The following BAHCC1 variants were observed in gnomAD, a reference collection of about 807,000 sequenced individuals.
The protein encoded by BAHCC1 is BAH domain and coiled-coil containing 1.
BAHCC1 carries 43 observed loss-of-function variants against 88.2 expected under a neutral mutation model. The observed-to-expected ratio is 0.49, with a 90% CI of 0.38 to 0.63. The LOEUF (loss-of-function observed/expected upper bound fraction) is 0.63, where lower values mean the gene tolerates loss of function less well. Among genes scored for constraint, BAHCC1 ranks in the 20% least tolerant of loss-of-function variants. The pLI is 0.00. For missense variants in BAHCC1, 3,023 were observed against 1,654.8 expected (o/e 1.83, Z -14.34); for synonymous variants, 1,510 against 745.5 (o/e 2.03, Z -16.71).
chr17:81,425,018 GAT>G (rs2064160125), intron 2 of BAHCC1, among the ~76,000 whole-genome samples: 2 of 149,328 alleles, frequency 1.3e-5, no homozygotes, highest in African/African-American at 4.9e-5. Flanking sequence ...TGTGGTTGGT[GAT>G]GATGTGGTTG....
At position 81,399,817 on chromosome 17, in the gene BAHCC1, C is replaced by T. The variant is rs1555645697; in HGVS notation, c.78C>T (p.Ala26=). 3.9e-5 allele frequency: 52 copies of T among 1,322,060 alleles called. No homozygotes were observed. The highest frequency in any genetic ancestry group is 4.4e-5 in the Non-Finnish European group (46 of 1,037,816). The allele number at this position is 1,322,060 out of a possible 1,614,324, so 81.9% of individuals were successfully genotyped here. Residue 26 remains alanine, a synonymous_variant, in exon 2 of 28, where the codon GCC becomes GCT. Transcript: ENST00000675386. This position sits in a 1 kb window ranked among gnomAD's most constrained non-coding sequence, Gnocchi z 4.5. ...GCCTGGGCCACCGCAGCGCCGCTGC[C>T]GCCGCGCGTCTCGCCCCGGCTGGGC... ...RGSLGHRSAA[A]AARLAPAGPA...
chr17:81,442,932 G>T lies in BAHCC1; in HGVS notation c.1583G>T (p.Gly528Val), dbSNP rs1177426897. 1.3e-6 allele frequency: 1 copy of T among 778,946 alleles called. No individual in the cohort carries two copies. Among genetic ancestry groups the T allele is most frequent in the Non-Finnish European group, 2.4e-6 (1 of 417,816 alleles). The allele number at this position is 778,946 out of a possible 1,614,324, so 48.3% of individuals were successfully genotyped here. The change falls in exon 5 of 28, where the codon GGC becomes GTC. Residue 528 changes from glycine (G) to valine (V), a missense_variant. Gly to Val is a moderately radical substitution (Grantham distance 109). Transcript: ENST00000675386. ...TGCTGCACTTTAGATAAGACTGTTG[G>T]CAAGGAAGCCCCGGCCGGCCCCCCA... ...QACCTLDKTV[G>V]KEAPAGPPGA...
At chr17:81,402,357 T>C (rs2063827822) in intron 2 of BAHCC1, 1 of 152,250 alleles carries the variant, frequency 6.6e-6, no homozygotes, top group Non-Finnish European at 1.5e-5. Flanking sequence ...AAAATTTAGC[T>C]GCATGTATTT....
At chr17:81,452,353 C>T (rs546028330) in intron 13 of BAHCC1, among the ~76,000 whole-genome samples, 4 of 151,766 alleles carry the variant, frequency 2.6e-5, no homozygotes, top group African/African-American at 9.7e-5. Context: ...TTGTCAGAGC[C>T]TGGTGTGGCA....
chr17:81,441,005 C>T (rs769956809), intron 4 of BAHCC1, among the ~76,000 whole-genome samples: 48 of 152,220 alleles, frequency 3.2e-4, no homozygotes, highest in Non-Finnish European at 5.4e-4. Context: ...TTTCCAAGGT[C>T]TTGGTGCCTG....
intron 11 of BAHCC1, among the ~76,000 whole-genome samples, chr17:81,450,290 C>G (rs1271539100): frequency 6.6e-6 from 1 of 152,082 alleles, no homozygotes; most frequent in Non-Finnish European, 1.5e-5. Context: ...GGGATCAGCC[C>G]ATGGGGACCC....
chr17:81,429,832 C>T (rs1292858498), intron 3 of BAHCC1, among the ~76,000 whole-genome samples: 1 of 152,160 alleles, frequency 6.6e-6, no homozygotes, highest in Non-Finnish European at 1.5e-5. Flanking sequence ...GTTGGGGTAG[C>T]CCCAGGAACC....
chr17:81,411,310 C>T lies in BAHCC1; in HGVS notation c.178+11393C>T, dbSNP rs115788927. ...CCCCAGACAGGCAGCAGGAGCTGGACGTGCCGTCAGCCCAGGCCCCTGAGA... is the reference window on the plus strand; with the variant it reads ...CCCCAGACAGGCAGCAGGAGCTGGATGTGCCGTCAGCCCAGGCCCCTGAGA... On this transcript the variant is annotated intron_variant, in intron 2 of 27. Coordinates refer to ENST00000675386, the MANE Select transcript of BAHCC1 (RefSeq NM_001377448.1). This position sits in a 1 kb window ranked among gnomAD's most constrained non-coding sequence, Gnocchi z 6.2. Among the ~76,000 whole-genome samples, 1,453 of 151,786 alleles carry T rather than the reference C, an allele frequency of 9.6e-3. 27 individuals are homozygous for T. The highest frequency in any genetic ancestry group is 0.034 in the African/African-American group (1,396 of 41,426).
At chr17:81,421,425 G>T (rs917159743) in intron 2 of BAHCC1, among the ~76,000 whole-genome samples, 5 of 152,240 alleles carry the variant, frequency 3.3e-5, no homozygotes, top group Non-Finnish European at 5.9e-5. Context: ...GGAGGCGGGG[G>T]TGACAGTAGA....
At position 81,419,504 on chromosome 17, in the gene BAHCC1, C is replaced by A. The variant is rs893382802; in HGVS notation, c.179-7296C>A. Among the ~76,000 whole-genome samples the A allele has an allele frequency of 2.6e-5, 4 of 152,344 alleles. No homozygotes were observed. The East Asian group carries it at 7.7e-4, about 29-fold the overall frequency. ...GGCTCGTGGGAAGTGTGCTTGGGAC[C>A]GCCCATCACTCCGTTCCCAGCCACT... On this transcript the variant is annotated intron_variant, in intron 2 of 27. Transcript: ENST00000675386.
At chr17:81,419,883 G>A (rs1677733165) in intron 2 of BAHCC1, among the ~76,000 whole-genome samples, 2 of 148,760 alleles carry the variant, frequency 1.3e-5, no homozygotes, top group African/African-American at 5.0e-5. Context: ...ACAAATGCTC[G>A]CTCTGCCGGC....
At position 81,435,608 on chromosome 17, in the gene BAHCC1, C is replaced by T. The variant is rs539212566; in HGVS notation, c.359-2762C>T. On this transcript the variant is annotated intron_variant, in intron 3 of 27. Transcript: ENST00000675386. This position sits in a 1 kb window ranked among gnomAD's most constrained non-coding sequence, Gnocchi z 4.4. ...TCTAGCAGGAGCTTGCAGTTGAGGA[C>T]CTCTGGCTCTGGGTTCATATGGCCC... is the stretch of plus-strand genomic sequence containing the variant. 1.4e-5 allele frequency: 6 copies of T among 423,596 alleles called. No individual in the cohort carries two copies. The highest frequency in any genetic ancestry group is 3.4e-5 in the South Asian group (2 of 59,114). The allele number at this position is 423,596 out of a possible 1,614,324, so 26.2% of individuals were successfully genotyped here.
intron 3 of BAHCC1, among the ~76,000 whole-genome samples, chr17:81,433,662 TCCA>T (rs1463562686): frequency 2.8e-5 from 4 of 142,074 alleles, no homozygotes; most frequent in Non-Finnish European, 4.5e-5. Context: ...GAGTCATCAG[TCCA>T]CCGAGGCCCC....
In BAHCC1 at chr17:81,460,539, C is replaced by T. The variant is rs782341322; in HGVS notation, c.6035C>T (p.Pro2012Leu). Residue 2012 changes from proline to leucine, a missense_variant, in exon 25 of 28, where the codon CCC becomes CTC. Physicochemically the swap from Pro to Leu is moderately conservative, Grantham distance 98 (BLOSUM62 -3). Coordinates refer to ENST00000675386, the MANE Select transcript of BAHCC1 (RefSeq NM_001377448.1). ...PPDFKIQCTE[P>L]SPALLVSSSC... ...CCCATGCTATCCACAGGCACAGAGC[C>T]CTCTCCAGCCCTGCTAGTGTCTAGC... The T allele has an allele frequency of 1.6e-5, 12 of 750,784 alleles. 1 individual carries two copies. The Middle Eastern group carries it at 1.4e-3, about 86-fold the overall frequency. 46.5% of individuals were successfully genotyped at this position (750,784 alleles called of 1,614,324 possible).
Position 81,423,973 on chromosome 17 carries a change from C to T in BAHCC1, c.179-2827C>T, listed in dbSNP as rs139181295. 6.7e-4 allele frequency among the ~76,000 whole-genome samples: 102 copies of T among 152,324 alleles called. 1 individual carries two copies. In the East Asian group the frequency reaches 9.3e-3, roughly 14 times the overall value. On this transcript the variant is annotated intron_variant, in intron 2 of 27. Transcript: ENST00000675386. ...GCGGTGCCCAGGAAGGAGCCTCTCG[C>T]GGCCTCCACCTGACCCAGAGGTGAG...
rs1179776067 is a variant in BAHCC1 at position 81,459,145 on chromosome 17, C to T, written c.5697C>T (p.Val1899=). The T allele has an allele frequency of 6.5e-6, 5 of 769,734 alleles. No homozygotes were observed. The highest frequency in any genetic ancestry group is 1.2e-5 in the Non-Finnish European group (5 of 413,010). The allele number at this position is 769,734 out of a possible 1,614,324, so 47.7% of individuals were successfully genotyped here. Residue 1899 remains valine (V), a synonymous_variant, in exon 21 of 28, where the codon GTC becomes GTT. Coordinates refer to ENST00000675386, the MANE Select transcript of BAHCC1 (RefSeq NM_001377448.1). ...ATAGCCTGCTGTACGCGGGCAGCGTCAGGACCCTGCAGCCACCCGACATGT... is the reference window on the plus strand; with the variant it reads ...ATAGCCTGCTGTACGCGGGCAGCGTTAGGACCCTGCAGCCACCCGACATGT... ...KEDSLLYAGS[V]RTLQPPDIYS...
chr17:81,452,580 G>A, intron 13 of BAHCC1, 143 bp from the exon 14 acceptor site: 1 of 542,538 alleles, frequency 1.8e-6, no homozygotes, highest in Admixed American at 3.9e-5. Context: ...CCCTCTGCGT[G>A]AGGGGTCAGG....
rs55902919 is a variant in BAHCC1, at chr17:81,463,852, G to A, written c.*35G>A. 3,326 of 700,808 alleles carry A rather than the reference G, an allele frequency of 4.7e-3. 87 individuals are homozygous for A. In the African/African-American group the frequency reaches 0.052, roughly 11 times the overall value. 43.4% of individuals were successfully genotyped at this position (700,808 alleles called of 1,614,324 possible). ...CGCAGATGCCTCCCACGTGCGCCAG[G>A]GACCCTGTGTGCGGAGCCTGGCGTC... On this transcript the variant is annotated 3_prime_UTR_variant, in exon 28 of 28. Transcript: ENST00000675386.
Position 81,423,182 on chromosome 17 carries a change from C to A in BAHCC1, c.179-3618C>A, listed in dbSNP as rs1010041316. 7.2e-5 allele frequency among the ~76,000 whole-genome samples: 11 copies of A among 151,768 alleles called. No homozygotes were observed. The East Asian group carries it at 2.2e-3, about 30-fold the overall frequency. The stretch of plus-strand genomic sequence containing the variant: ...GCAGAGGCCAGCTCACAGCCCACGT[C>A]CCCCACCAGCACTCACAGACCCCTC... On this transcript the variant is annotated intron_variant, in intron 2 of 27. Transcript: ENST00000675386.
Sources: gnomAD v4.1 joint callset for allele counts (sites outside exome capture counted in the v4.1 genomes callset) on GRCh38, gnomAD v4.1.1 for gene constraint, Gnocchi (gnomAD v3.1) non-coding constraint, MANE v1.5 for transcripts, NCBI Gene and HGNC (gene_info 2026-07-23, HGNC 2026-07-21) for gene names.